Variants in MED12L observed in about 807,000 individuals in gnomAD.
MED12L encodes the protein mediator of RNA polymerase II transcription subunit 12-like protein.
MED12L carries 60 observed loss-of-function variants against 281.3 expected under a neutral mutation model. The ratio of observed to expected loss-of-function variants is 0.21; its 90% CI spans 0.17 to 0.26. The LOEUF (loss-of-function observed/expected upper bound fraction) is 0.26, where lower values mean the gene tolerates loss of function less well. Ranked by LOEUF, MED12L falls within the 10% of genes least tolerant of loss-of-function variation. The pLI, the probability that MED12L is intolerant of heterozygous loss-of-function variation, is 1.00. For missense variants in MED12L, 2,146 were observed against 2,680.9 expected, an observed-to-expected ratio of 0.80 and a Z score of 4.41; for synonymous variants, 974 against 987.2, an observed-to-expected ratio of 0.99 and a Z score of 0.25.
chr3:151,187,050 G>T (rs545088115), intron 12 of MED12L, among the ~76,000 whole-genome samples: 2 of 152,302 alleles, frequency 1.3e-5, no homozygotes, highest in East Asian at 3.9e-4. Flanking sequence ...TTCTCTTCCT[G>T]TTAGGAAAGT....
At chr3:151,382,051 T>A (rs150268869) in intron 32 of MED12L, among the ~76,000 whole-genome samples, 10 of 152,208 alleles carry the variant, frequency 6.6e-5, no homozygotes, top group Non-Finnish European at 1.3e-4. Context: ...TGTGGCTCCC[T>A]TTCCTAAGCA....
At chr3:151,185,925 T>C (rs578255614) in intron 12 of MED12L, among the ~76,000 whole-genome samples, 1 of 152,274 alleles carries the variant, frequency 6.6e-6, no homozygotes, top group Non-Finnish European at 1.5e-5. Context: ...TATATTGAAA[T>C]ATGCGTACAC....
At position 151,086,958 on chromosome 3, in the gene MED12L, A is replaced by G. The variant is rs1483015494; in HGVS notation, c.32A>G (p.Gln11Arg). MAAFGLLSYEQRPLKRPRLGP... is the reference protein window; with the variant it reads MAAFGLLSYERRPLKRPRLGP... ...GCCTTCGGGCTTCTCAGCTATGAGCAGAGACCGCTGAAGCGCCCCCGGCTC... is the reference window on the plus strand; with the variant it reads ...GCCTTCGGGCTTCTCAGCTATGAGCGGAGACCGCTGAAGCGCCCCCGGCTC... Residue 11 changes from glutamine to arginine, a missense_variant, in exon 2 of 45, where the codon CAG (glutamine) becomes CGG (arginine). This residue lies in a region of MED12L where 44 missense variants were observed against 39.7 expected (regional missense o/e 1.11). Transcript: ENST00000687756. 4 of 1,609,366 alleles carry G rather than the reference A, an allele frequency of 2.5e-6. No individual in the cohort carries two copies. The highest frequency in any genetic ancestry group is 3.4e-6 in the Non-Finnish European group (4 of 1,178,532).
chr3:151,390,479 A>G (rs1714061999), intron 38 of MED12L, among the ~76,000 whole-genome samples: 1 of 152,238 alleles, frequency 6.6e-6, no homozygotes, highest in Admixed American at 6.5e-5. Flanking sequence ...ATTACACAAT[A>G]TTGCACAGTG....
At chr3:151,210,010 A>C (rs1431266424) in intron 16 of MED12L, among the ~76,000 whole-genome samples, 1 of 152,168 alleles carries the variant, frequency 6.6e-6, no homozygotes. Flanking sequence ...CTGGGTTTGT[A>C]CCATGTCTTC....
chr3:151,368,965 G>A (rs776914906), intron 25 of MED12L, among the ~76,000 whole-genome samples: 5 of 151,838 alleles, frequency 3.3e-5, no homozygotes, highest in African/African-American at 4.8e-5. Flanking sequence ...ATTTCACTGT[G>A]TTGGCCAGAC....
chr3:151,316,223 G>T (rs926164868), intron 16 of MED12L, among the ~76,000 whole-genome samples: 1 of 152,000 alleles, frequency 6.6e-6, no homozygotes, highest in African/African-American at 2.4e-5. Flanking sequence ...AAACAATACG[G>T]ATAAACGATT....
At chr3:151,352,362 G>A (rs1405505630) in intron 17 of MED12L, among the ~76,000 whole-genome samples, 3 of 152,170 alleles carry the variant, frequency 2.0e-5, no homozygotes, top group Non-Finnish European at 2.9e-5. Context: ...GAACCACATC[G>A]TTGGGAGGGG....
At chr3:151,170,184 G>T (rs1292003118) in intron 11 of MED12L, among the ~76,000 whole-genome samples, 2 of 152,200 alleles carry the variant, frequency 1.3e-5, no homozygotes, top group East Asian at 1.9e-4. Flanking sequence ...GTGGGAGTAG[G>T]AGCTGATTCT....
chr3:151,158,534 ATTTGT>A (rs1189042989), intron 6 of MED12L, among the ~76,000 whole-genome samples, 150 bp from the exon 7 acceptor site: 20 of 152,220 alleles, frequency 1.3e-4, no homozygotes, highest in Admixed American at 9.8e-4. Flanking sequence ...CATATTAGTT[ATTTGT>A]TTTGTTTAGA....
chr3:151,385,015 C>T lies in MED12L; in HGVS notation c.4927-15C>T. On this transcript the variant is annotated splice_polypyrimidine_tract_variant and intron_variant, in intron 35 of 44. Coordinates refer to ENST00000687756, the MANE Select transcript of MED12L (RefSeq NM_001393769.1). Reference sequence around the variant, plus strand: ...GTCCCACTTCTCACTCTCTCTCTCTCTCTTTTTTCTTTAGAAAGAGCTAGG... The same window carrying T: ...GTCCCACTTCTCACTCTCTCTCTCTTTCTTTTTTCTTTAGAAAGAGCTAGG... The T allele has an allele frequency of 2.2e-6, 3 of 1,339,690 alleles. No individual in the cohort carries two copies. The highest frequency in any genetic ancestry group is 3.2e-6 in the Non-Finnish European group (3 of 933,628). The allele number at this position is 1,339,690 out of a possible 1,614,324, so 83.0% of individuals were successfully genotyped here. A position where few individuals can be genotyped will look rare whatever the true frequency, so the allele number is the denominator to read the frequency against.
At chr3:151,139,769 A>G (rs1006335921) in intron 5 of MED12L, among the ~76,000 whole-genome samples, 4 of 152,156 alleles carry the variant, frequency 2.6e-5, no homozygotes, top group African/African-American at 9.7e-5. Context: ...GTAGAGGTAA[A>G]TACAACAGAT....
At chr3:151,109,887 G>A (rs967918387) in intron 2 of MED12L, among the ~76,000 whole-genome samples, 7 of 152,294 alleles carry the variant, frequency 4.6e-5, no homozygotes, top group African/African-American at 1.7e-4. Context: ...CTGGTTCCCA[G>A]AGCACGACCC....
At chr3:151,239,595 T>C (rs571337473) in intron 16 of MED12L, among the ~76,000 whole-genome samples, 1 of 152,292 alleles carries the variant, frequency 6.6e-6, no homozygotes, top group South Asian at 2.1e-4. Context: ...TATTTAAAAG[T>C]TTTATAACTG....
intron 16 of MED12L, among the ~76,000 whole-genome samples, chr3:151,275,932 G>A (rs895632656): frequency 7.2e-5 from 11 of 152,130 alleles, no homozygotes; most frequent in African/African-American, 2.7e-4. Flanking sequence ...TATGGGTGTA[G>A]CACCAGACTT....
rs539749977 is a variant in MED12L at position 151,288,668 on chromosome 3, A to G, written c.2251-61391A>G. ...TTTCTCTCCGTTTTTCCTTTGAATT[A>G]TGATTATGGTTACATATACACTTGC... is the stretch of plus-strand genomic sequence containing the variant. On this transcript the variant is annotated intron_variant, in intron 16 of 44. Transcript: ENST00000687756. Among the ~76,000 whole-genome samples the G allele has an allele frequency of 8.5e-5, 13 of 152,316 alleles. No homozygotes were observed. The East Asian group carries it at 1.2e-3, about 14-fold the overall frequency.
At chr3:151,305,799 A>C (rs1209583656) in intron 16 of MED12L, among the ~76,000 whole-genome samples, 1 of 152,164 alleles carries the variant, frequency 6.6e-6, no homozygotes, top group Admixed American at 6.5e-5. Flanking sequence ...CAAGCTTGTG[A>C]AGGAACTGCT....
At chr3:151,422,056 G>A (rs931361212) in intron 43 of MED12L, among the ~76,000 whole-genome samples, 4 of 152,134 alleles carry the variant, frequency 2.6e-5, no homozygotes, top group African/African-American at 9.7e-5. Context: ...TTTTCTTAGG[G>A]TAGTGCAGAA....
chr3:151,183,832 CTG>C (rs1271583394), intron 11 of MED12L, among the ~76,000 whole-genome samples: 1 of 152,280 alleles, frequency 6.6e-6, no homozygotes, highest in South Asian at 2.1e-4. Flanking sequence ...AAAAAAAAAT[CTG>C]TGTAAATGTG....
Sources: allele counts gnomAD v4.1 joint callset (sites outside exome capture counted in the v4.1 genomes callset), GRCh38; gene constraint gnomAD v4.1.1; regional missense constraint gnomAD v4.1.1; transcripts MANE v1.5; gene names NCBI Gene and HGNC (gene_info 2026-07-23, HGNC 2026-07-21).